The following PTK2 variants were observed in gnomAD, a reference collection of about 807,000 sequenced individuals.
PTK2 encodes the protein focal adhesion kinase 1.
Under a neutral mutation model 150.1 loss-of-function variants are expected in PTK2, and 45 were observed. The observed-to-expected ratio is 0.30, with a 90% CI of 0.24 to 0.38. The LOEUF is 0.38. PTK2 is among the 10% of genes least tolerant of loss of function. The probability of loss-of-function intolerance (pLI) is 1.00; values close to 1 mark genes in which losing one functional copy is unlikely to be tolerated. For synonymous variants in PTK2, 432 were observed against 449.2 expected, an observed-to-expected ratio of 0.96 and a Z score of 0.48; for missense variants, 919 against 1,307.3, an observed-to-expected ratio of 0.70 and a Z score of 4.58.
intron 20 of PTK2, among the ~76,000 whole-genome samples, chr8:140,742,333 C>T (rs1593186001): frequency 1.3e-5 from 2 of 152,322 alleles, no homozygotes; most frequent in East Asian, 1.9e-4. Flanking sequence ...ACAAATACAA[C>T]TGCAATGAAC....
At chr8:140,902,079 T>C (rs2100158714) in intron 2 of PTK2, among the ~76,000 whole-genome samples, 1 of 151,224 alleles carries the variant, frequency 6.6e-6, no homozygotes, top group Admixed American at 6.6e-5. Context: ...TGTCACCCAG[T>C]CTGGAGTGCA....
intron 26 of PTK2, among the ~76,000 whole-genome samples, chr8:140,689,049 C>T (rs769764934): frequency 3.3e-5 from 5 of 152,048 alleles, no homozygotes; most frequent in Non-Finnish European, 5.9e-5. Context: ...TTCCTGACTT[C>T]TAGGATAGAA....
intron 13 of PTK2, among the ~76,000 whole-genome samples, chr8:140,791,976 T>A (rs2100088756): frequency 4.6e-5 from 7 of 152,172 alleles, no homozygotes; most frequent in Admixed American, 4.6e-4. Context: ...GTAGGTCATG[T>A]AAGATATTTA....
At chr8:140,920,707 T>A in intron 2 of PTK2, 2 of 1,131,308 alleles carry the variant, frequency 1.8e-6, no homozygotes, top group Non-Finnish European at 2.3e-6. Flanking sequence ...TTTCCTTAAA[T>A]TTAACTGTAA....
chr8:140,980,193 T>C (rs1001404614), intron 1 of PTK2, among the ~76,000 whole-genome samples: 8 of 152,338 alleles, frequency 5.3e-5, no homozygotes, highest in African/African-American at 1.9e-4. Flanking sequence ...GCCCATCAAT[T>C]GTAGGCTAGA....
At chr8:140,857,900 C>T (rs901470032) in intron 5 of PTK2, among the ~76,000 whole-genome samples, 8 of 152,140 alleles carry the variant, frequency 5.3e-5, no homozygotes, top group African/African-American at 1.9e-4. Flanking sequence ...GAGTTCAGAA[C>T]TCACACACAA....
intron 30 of PTK2, among the ~76,000 whole-genome samples, chr8:140,665,753 A>G (rs1385664245): frequency 6.6e-6 from 1 of 152,234 alleles, no homozygotes; most frequent in African/African-American, 2.4e-5. Context: ...CATTTGGCCA[A>G]AGTAAAACGG....
chr8:140,900,407 A>C (rs1264026945), intron 2 of PTK2, among the ~76,000 whole-genome samples: 1 of 152,134 alleles, frequency 6.6e-6, no homozygotes, highest in Non-Finnish European at 1.5e-5. Flanking sequence ...CATAAGGAAA[A>C]CTATAAAACA....
chr8:140,864,293 T>C lies in PTK2; in HGVS notation c.450+19A>G, dbSNP rs746764442. On this transcript the variant is annotated intron_variant, in intron 5 of 31. Coordinates refer to ENST00000522684, the Ensembl canonical transcript of PTK2. ...TCAAAGAAACAAACAAAAAAGTATA[T>C]GAAAGCAGTCTCTAATACCTGTTGA... 2.4e-5 allele frequency: 33 copies of C among 1,396,794 alleles called. No homozygotes were observed. Among genetic ancestry groups the C allele is most frequent in the Non-Finnish European group, 3.2e-5 (33 of 1,035,894 alleles). 86.5% of individuals were successfully genotyped at this position (1,396,794 alleles called of 1,614,324 possible). A position where few individuals can be genotyped will look rare whatever the true frequency, so the allele number is the denominator to read the frequency against.
intron 1 of PTK2, among the ~76,000 whole-genome samples, chr8:140,998,648 C>G (rs2100198721): frequency 1.3e-5 from 2 of 151,862 alleles, no homozygotes; most frequent in South Asian, 4.2e-4. Context: ...GAAACCCCGT[C>G]TCTACTAAAA....
At chr8:140,688,034 C>T (rs895172841) in intron 26 of PTK2, among the ~76,000 whole-genome samples, 1 of 152,146 alleles carries the variant, frequency 6.6e-6, no homozygotes, top group African/African-American at 2.4e-5. Context: ...TGTTAACAGT[C>T]CTCAGGGATT....
intron 27 of PTK2, among the ~76,000 whole-genome samples, chr8:140,685,051 G>T (rs561051371): frequency 3.0e-4 from 45 of 152,124 alleles, no homozygotes; most frequent in Non-Finnish European, 5.9e-4. Context: ...CAGACACACA[G>T]ACCAATAGAA....
At chr8:140,733,841 G>A (rs1025150258) in intron 22 of PTK2, among the ~76,000 whole-genome samples, 5 of 152,096 alleles carry the variant, frequency 3.3e-5, no homozygotes, top group Non-Finnish European at 7.3e-5. Flanking sequence ...TTATGGGGAC[G>A]GAGACCAAGA....
intron 14 of PTK2, among the ~76,000 whole-genome samples, chr8:140,782,243 G>GTT (rs1240768281): frequency 1.0e-4 from 10 of 97,596 alleles, no homozygotes; most frequent in African/African-American, 4.5e-4. Context: ...AAATTTGGTT[G>GTT]TTTTTTTTTT....
intron 1 of PTK2, among the ~76,000 whole-genome samples, chr8:140,954,065 T>C (rs1587089092): frequency 1.3e-5 from 2 of 152,004 alleles, no homozygotes; most frequent in Non-Finnish European, 2.9e-5. Context: ...CCTCCTCCTG[T>C]GGAGGTTCAA....
At chr8:140,985,983 A>T (rs2100193104) in intron 1 of PTK2, among the ~76,000 whole-genome samples, 1 of 152,232 alleles carries the variant, frequency 6.6e-6, no homozygotes, top group South Asian at 2.1e-4. Context: ...ATTCCAAAAA[A>T]TTCAAACTTT....
chr8:140,836,288 G>A (rs2100118622), intron 7 of PTK2, among the ~76,000 whole-genome samples: 1 of 152,120 alleles, frequency 6.6e-6, no homozygotes, highest in Admixed American at 6.5e-5. Flanking sequence ...GGAACCTATT[G>A]ATGTTAAGTG....
chr8:140,707,394 A>G (rs2100034423), intron 23 of PTK2, among the ~76,000 whole-genome samples: 1 of 152,352 alleles, frequency 6.6e-6, no homozygotes, highest in South Asian at 2.1e-4. Context: ...AACTCTGAAT[A>G]TACTAAAAAA....
rs552198609 is a variant in PTK2, at chr8:140,932,751, A to G, written c.-121-7002T>C. Reference sequence around the variant, plus strand: ...TCATTCACTCTTTTTCTGTCCAAGGATCCTGACTAACAGCAGCAGAGACTA... The same window carrying G: ...TCATTCACTCTTTTTCTGTCCAAGGGTCCTGACTAACAGCAGCAGAGACTA... On this transcript the variant is annotated intron_variant, in intron 1 of 31. Coordinates refer to ENST00000522684, the Ensembl canonical transcript of PTK2. Among the ~76,000 whole-genome samples, 12 of 152,310 alleles carry G rather than the reference A, an allele frequency of 7.9e-5. No individual in the cohort carries two copies. In the East Asian group the frequency reaches 2.3e-3, roughly 29 times the overall value.
Sources: gnomAD v4.1 joint callset for allele counts (sites outside exome capture counted in the v4.1 genomes callset) on GRCh38, gnomAD v4.1.1 for gene constraint, MANE v1.5 for transcripts, NCBI Gene and HGNC (gene_info 2026-07-23, HGNC 2026-07-21) for gene names.